ZNF606: variants seen among roughly 807,000 people sequenced by gnomAD.
The protein encoded by ZNF606 is zinc finger protein 328.
A neutral mutation model predicts 74.9 loss-of-function variants in ZNF606; 37 were observed. The ratio of observed to expected loss-of-function variants is 0.49; its 90% CI spans 0.38 to 0.65. ZNF606 has a LOEUF of 0.65. Ranked by LOEUF, ZNF606 falls within the 30% of genes least tolerant of loss-of-function variation. ZNF606 has a pLI of 0.00. For synonymous variants in ZNF606, 328 were observed against 312.4 expected, an observed-to-expected ratio of 1.05 and a Z score of -0.53; for missense variants, 852 against 952.9, an observed-to-expected ratio of 0.89 and a Z score of 1.39.
intron 4 of ZNF606, among the ~76,000 whole-genome samples, chr19:57,992,253 GGTCA>G (rs1215991775): frequency 1.3e-5 from 2 of 152,072 alleles, no homozygotes; most frequent in African/African-American, 4.8e-5. Flanking sequence ...ATAATGGAGG[GGTCA>G]GTCTGACAAT....
intron 4 of ZNF606, chr19:57,998,495 T>C (rs747857241): frequency 6.6e-6 from 1 of 152,182 alleles, no homozygotes; most frequent in African/African-American, 2.4e-5. Context: ...TCCATTTTTA[T>C]GAAATGTCCA....
At chr19:57,986,234 C>A (rs2073161845) in intron 6 of ZNF606, among the ~76,000 whole-genome samples, 1 of 152,130 alleles carries the variant, frequency 6.6e-6, no homozygotes, top group Non-Finnish European at 1.5e-5. Context: ...CGCCTGTAAT[C>A]CCAGCACTTT....
chr19:57,997,379 G>A (rs1306779189), intron 4 of ZNF606: 1 of 152,174 alleles, frequency 6.6e-6, no homozygotes, highest in Non-Finnish European at 1.5e-5. Flanking sequence ...CAGATAATGA[G>A]GGATGACAGC....
At position 57,979,641 on chromosome 19, in the gene ZNF606, A is replaced by C. The variant is rs930589577; in HGVS notation, c.1039T>G (p.Tyr347Asp). The stretch of plus-strand genomic sequence containing the variant: ...TAAAAGATATTCTCATATTCTTTGT[A>C]ATTATACTGGTTTTCTCCAACATGA... ...RLHVGENQYN[Y>D]KEYENIFYFS... Residue 347 changes from tyrosine (Y) to aspartate (D), a missense_variant, in exon 7 of 7, where the codon TAC becomes GAC. Physicochemically the swap from Tyr to Asp is radical, Grantham distance 160. Coordinates refer to ENST00000551380, the MANE Select transcript of ZNF606 (RefSeq NM_001348022.3). 1.7e-5 allele frequency: 27 copies of C among 1,613,474 alleles called. No homozygotes were observed. Among genetic ancestry groups the C allele is most frequent in the Non-Finnish European group, 1.9e-5 (23 of 1,180,002 alleles).
At chr19:58,001,128 C>G in intron 2 of ZNF606, 161 bp downstream of exon 2, 1 of 784,288 alleles carries the variant, frequency 1.3e-6, no homozygotes, top group Non-Finnish European at 2.0e-6. Context: ...GTCTTTTATG[C>G]CAACAATTTT....
chr19:58,001,636 T>C (rs1220673779), intron 1 of ZNF606, among the ~76,000 whole-genome samples: 1 of 152,158 alleles, frequency 6.6e-6, no homozygotes, highest in Non-Finnish European at 1.5e-5. Context: ...ACAACACAGA[T>C]GGAACTTTTG....
rs2073005815 is a variant in ZNF606 at position 57,977,363 on chromosome 19, C to T, written c.*938G>A. 2 of 152,180 alleles carry T rather than the reference C, an allele frequency of 1.3e-5. 1 individual carries two copies. Among genetic ancestry groups the T allele is most frequent in the South Asian group, 4.1e-4 (2 of 4,834 alleles). The allele number at this position is 152,180 out of a possible 1,614,324, so 9.4% of individuals were successfully genotyped here. ...GGAAAGCATTTAAAAGAAAGCCCAG[C>T]ACATAAGTGTTATATGTATTTGTAA... On this transcript the variant is annotated 3_prime_UTR_variant, in exon 7 of 7. Transcript: ENST00000551380.
chr19:57,992,253 G>T (rs537666333), intron 4 of ZNF606, among the ~76,000 whole-genome samples: 1 of 152,190 alleles, frequency 6.6e-6, no homozygotes, highest in Admixed American at 6.5e-5. Context: ...ATAATGGAGG[G>T]GTCAGTCTGA....
Position 58,002,746 on chromosome 19 carries a change from T to G in ZNF606, c.-402A>C, listed in dbSNP as rs776565146. On this transcript the variant is annotated 5_prime_UTR_variant, in exon 1 of 7. Coordinates refer to ENST00000551380, the MANE Select transcript of ZNF606 (RefSeq NM_001348022.3). ...CTCCTGACCCCCCAAGCCCCGCAGC[T>G]ACGGCGGCCCCACAGCCTGAGCAAA... 4 of 453,866 alleles carry G rather than the reference T, an allele frequency of 8.8e-6. No individual in the cohort carries two copies. The highest frequency in any genetic ancestry group is 6.2e-5 in the South Asian group (4 of 64,472). 28.1% of individuals were successfully genotyped at this position (453,866 alleles called of 1,614,324 possible).
At chr19:57,990,485 A>C (rs1009946828) in intron 4 of ZNF606, among the ~76,000 whole-genome samples, 18 of 146,220 alleles carry the variant, frequency 1.2e-4, no homozygotes, top group Non-Finnish European at 9.0e-5. Context: ...GGCTGCAGGG[A>C]GCTGAGATCG....
rs1050500049 is a variant in ZNF606, at chr19:58,001,149, C to T, written c.31+140G>A. 3 of 979,934 alleles carry T rather than the reference C, an allele frequency of 3.1e-6. No individual in the cohort carries two copies. The African/African-American group carries it at 4.9e-5, about 16-fold the overall frequency. The allele number at this position is 979,934 out of a possible 1,614,324, so 60.7% of individuals were successfully genotyped here. A position where few individuals can be genotyped will look rare whatever the true frequency, so the allele number is the denominator to read the frequency against. ...TATGCCAACAATTTTCCTCCTTTACCACCAATCAGTTCTAATTTTGTACCA... is the reference window on the plus strand; with the variant it reads ...TATGCCAACAATTTTCCTCCTTTACTACCAATCAGTTCTAATTTTGTACCA... On this transcript the variant is annotated intron_variant, in intron 2 of 6. Transcript: ENST00000551380.
intron 4 of ZNF606, among the ~76,000 whole-genome samples, chr19:57,994,869 C>G (rs4801538): frequency 6.6e-6 from 1 of 151,860 alleles, no homozygotes; most frequent in South Asian, 2.1e-4. Flanking sequence ...TAGAGACATG[C>G]GGCAGCACTA....
chr19:57,985,159 C>A (rs1391424483), intron 6 of ZNF606, among the ~76,000 whole-genome samples: 1 of 152,120 alleles, frequency 6.6e-6, no homozygotes, highest in East Asian at 1.9e-4. Context: ...CAAAGCCTTG[C>A]AGCAACCAGG....
At chr19:58,003,033 G>A (rs764819487), upstream of ZNF606, 1 of 430,622 alleles carries the variant, frequency 2.3e-6, no homozygotes, top group South Asian at 1.6e-5. Context: ...GCCTCCCACT[G>A]CAAAAAGGCC....
At position 57,978,395 on chromosome 19, in the gene ZNF606, TTC is replaced by T; in HGVS notation, c.2283_2284del (p.Lys762ThrfsTer6). On this transcript the variant is annotated frameshift_variant, in exon 7 of 7. Coordinates refer to ENST00000551380, the MANE Select transcript of ZNF606 (RefSeq NM_001348022.3). LOFTEE classifies it high-confidence loss of function. This position sits in a 1 kb window ranked among gnomAD's most constrained non-coding sequence, Gnocchi z 4.4. ...TCCACATTCACTGCATATAAAGCGTTTCTCTCCACTATGCATTCTCTGATGAA... is the reference window on the plus strand; with the variant it reads ...TCCACATTCACTGCATATAAAGCGTTTCTCCACTATGCATTCTCTGATGAA... The T allele has an allele frequency of 6.2e-7, 1 of 1,613,584 alleles. No homozygotes were observed. The highest frequency in any genetic ancestry group is 8.5e-7 in the Non-Finnish European group (1 of 1,179,482).
chr19:57,984,995 TGA>T (rs1488129686), intron 6 of ZNF606, among the ~76,000 whole-genome samples: 4 of 152,038 alleles, frequency 2.6e-5, no homozygotes, highest in African/African-American at 9.7e-5. Flanking sequence ...CTAGGGGGGC[TGA>T]GGCAGCAGAA....
Position 57,981,098 on chromosome 19 carries a change from G to A in ZNF606, c.401-819C>T, listed in dbSNP as rs185257167. Among the ~76,000 whole-genome samples, 385 of 152,314 alleles carry A rather than the reference G, an allele frequency of 2.5e-3. 1 individual carries two copies. The highest frequency in any genetic ancestry group is 3.9e-3 in the Non-Finnish European group (263 of 68,032). ...CCTCAGGGTGGTCTGGAGTTTCAGC[G>A]ATGGCAGTGAGTCACGCAGGCACTG... is the stretch of plus-strand genomic sequence containing the variant. On this transcript the variant is annotated intron_variant, in intron 6 of 6. Transcript: ENST00000551380.
intron 4 of ZNF606, among the ~76,000 whole-genome samples, chr19:57,990,278 T>G (rs1280720043): frequency 2.0e-5 from 3 of 150,552 alleles, no homozygotes; most frequent in African/African-American, 4.9e-5. Flanking sequence ...GGCAGGAGAA[T>G]GGCGTGAACC....
rs1406015301 is a variant in ZNF606, at chr19:57,988,295, C to G, written c.312G>C (p.Gln104His). The change falls in exon 6 of 7, where the codon CAG (glutamine) becomes CAC (histidine). Residue 104 changes from glutamine to histidine, a missense_variant. Transcript: ENST00000551380. The part of the protein sequence containing the change: ...TYGHLLSVGN[Q>H]IAKPEVISLL... ...GGGAGATGACCTCAGGCTTGGCAAT[C>G]TGATTTCCTATGCATGGAGGAAAAG... is the stretch of plus-strand genomic sequence containing the variant. 1 of 1,613,890 alleles carries G rather than the reference C, an allele frequency of 6.2e-7. No homozygotes were observed. Among genetic ancestry groups the G allele is most frequent in the Admixed American group, 1.7e-5 (1 of 59,954 alleles).
Sources: allele counts gnomAD v4.1 joint callset (sites outside exome capture counted in the v4.1 genomes callset), GRCh38; gene constraint gnomAD v4.1.1; non-coding constraint Gnocchi (gnomAD v3.1); transcripts MANE v1.5; gene names NCBI Gene and HGNC (gene_info 2026-07-23, HGNC 2026-07-21).